Variants in PCDH9 observed in about 807,000 individuals in gnomAD.
PCDH9 encodes the protein protocadherin 9, also known as protocadherin-9.
In PCDH9, 24 loss-of-function variants were observed where a neutral mutation model predicts 70.6. That is an observed-to-expected ratio of 0.34 (90% CI 0.25 to 0.48). The LOEUF is 0.48. Among genes scored for constraint, PCDH9 ranks in the 20% least tolerant of loss-of-function variants. The probability of loss-of-function intolerance (pLI) is 0.99; values close to 1 mark genes in which losing one functional copy is unlikely to be tolerated. For synonymous variants in PCDH9, 562 were observed against 558.5 expected, an observed-to-expected ratio of 1.01 and a Z score of -0.09; for missense variants, 1,281 against 1,503.6, an observed-to-expected ratio of 0.85 and a Z score of 2.45.
At chr13:66,924,332 A>T (rs1002481022) in intron 2 of PCDH9, among the ~76,000 whole-genome samples, 2 of 151,832 alleles carry the variant, frequency 1.3e-5, no homozygotes, top group African/African-American at 4.8e-5. Context: ...ATTTTAAAAT[A>T]TTCCTATTTT....
intron 3 of PCDH9, among the ~76,000 whole-genome samples, chr13:66,779,885 G>GTT (rs2079969506): frequency 7.0e-6 from 1 of 143,192 alleles, no homozygotes; most frequent in African/African-American, 2.7e-5. Context: ...GTGTGTGTGT[G>GTT]TGTGTGTGTG....
chr13:67,057,804 C>T (rs2085452675), intron 2 of PCDH9, among the ~76,000 whole-genome samples: 1 of 151,998 alleles, frequency 6.6e-6, no homozygotes, highest in Non-Finnish European at 1.5e-5. Context: ...ATCAGAAAAA[C>T]TCAGGTCAAT....
At chr13:67,182,738 G>A (rs528260441) in intron 2 of PCDH9, among the ~76,000 whole-genome samples, 77 of 151,990 alleles carry the variant, frequency 5.1e-4, no homozygotes, top group Non-Finnish European at 9.3e-4. Context: ...GTAGAATAGC[G>A]TTTACTAATT....
intron 4 of PCDH9, among the ~76,000 whole-genome samples, chr13:66,371,424 T>C (rs1009038657): frequency 3.9e-5 from 6 of 152,034 alleles, no homozygotes; most frequent in African/African-American, 1.4e-4. Flanking sequence ...CTGTATACTC[T>C]GCCTGTATAG....
chr13:67,083,587 T>C (rs2086030818), intron 2 of PCDH9, among the ~76,000 whole-genome samples: 1 of 152,186 alleles, frequency 6.6e-6, no homozygotes, highest in South Asian at 2.1e-4. Flanking sequence ...TTAATTTTTC[T>C]ATGAAAGGTG....
intron 2 of PCDH9, among the ~76,000 whole-genome samples, chr13:66,934,577 A>G (rs2082876551): frequency 6.7e-6 from 1 of 150,224 alleles, no homozygotes; most frequent in African/African-American, 2.4e-5. Flanking sequence ...AAATACAAAA[A>G]CTCCTTGAAG....
intron 4 of PCDH9, among the ~76,000 whole-genome samples, chr13:66,309,248 C>T (rs995333875): frequency 6.6e-6 from 1 of 151,952 alleles, no homozygotes; most frequent in Admixed American, 6.6e-5. Flanking sequence ...GGGAAAATAA[C>T]AATGCTTCCA....
intron 2 of PCDH9, among the ~76,000 whole-genome samples, chr13:67,100,966 G>A (rs552618883): frequency 7.9e-5 from 12 of 152,270 alleles, no homozygotes; most frequent in Admixed American, 2.0e-4. Context: ...CTCACAAATG[G>A]AATGCCTGAT....
At chr13:66,450,868 A>G (rs1958193185) in intron 4 of PCDH9, among the ~76,000 whole-genome samples, 1 of 152,152 alleles carries the variant, frequency 6.6e-6, no homozygotes, top group Admixed American at 6.5e-5. Context: ...ATACAAAAAA[A>G]TTAGCCAGGC....
At chr13:67,003,410 A>G (rs1270003861) in intron 2 of PCDH9, among the ~76,000 whole-genome samples, 1 of 152,140 alleles carries the variant, frequency 6.6e-6, no homozygotes, top group Admixed American at 6.5e-5. Context: ...TCCTTATTCC[A>G]TAGTATGTTT....
intron 3 of PCDH9, among the ~76,000 whole-genome samples, chr13:66,827,786 G>T (rs751860488): frequency 2.0e-5 from 3 of 152,086 alleles, no homozygotes; most frequent in East Asian, 1.9e-4. Context: ...AATGTCAACC[G>T]ATGGGTAAGG....
chr13:66,825,529 G>T (rs1457653957), intron 3 of PCDH9, among the ~76,000 whole-genome samples: 1 of 150,928 alleles, frequency 6.6e-6, no homozygotes, highest in Non-Finnish European at 1.5e-5. Context: ...TAGAGACGGG[G>T]TTTCACCGTG....
rs1273548687 is a variant in PCDH9 at position 66,370,033 on chromosome 13, CA to C, written c.3341-65006del. 4.6e-5 allele frequency among the ~76,000 whole-genome samples: 7 copies of C among 152,106 alleles called. No homozygotes were observed. In the East Asian group the frequency reaches 1.4e-3, roughly 30 times the overall value. ...AAGCAACTATCATTGCTTTTTAAGT[CA>C]AATATCCACTGGTCCCAAGAAGGCC... On this transcript the variant is annotated intron_variant, in intron 4 of 4. Transcript: ENST00000377865.
chr13:66,767,242 G>C (rs1360929823), intron 3 of PCDH9, among the ~76,000 whole-genome samples: 2 of 151,006 alleles, frequency 1.3e-5, no homozygotes, highest in African/African-American at 2.5e-5. Flanking sequence ...TCACAAAAAA[G>C]AGCAAAGGGA....
intron 2 of PCDH9, among the ~76,000 whole-genome samples, chr13:67,103,368 T>C (rs1363952765): frequency 1.3e-5 from 2 of 152,192 alleles, no homozygotes; most frequent in African/African-American, 4.8e-5. Flanking sequence ...CTGAAAGGCT[T>C]TAAAATCTTC....
In PCDH9 at chr13:66,787,615, C is replaced by CA. The variant is rs35362106; in HGVS notation, c.3138+115888dup. On this transcript the variant is annotated intron_variant, in intron 3 of 4. Transcript: ENST00000377865. ...TGGGTGACAGAGCAATACTCTGTCT[C>CA]AAAAAAAAAGAAAAAAAGAAAAAGA... is the stretch of plus-strand genomic sequence containing the variant. 1.7e-3 allele frequency among the ~76,000 whole-genome samples: 249 copies of CA among 148,102 alleles called. 2 individuals are homozygous for CA. Among genetic ancestry groups the CA allele is most frequent in the Admixed American group, 0.012 (177 of 14,788 alleles).
chr13:66,349,182 C>A (rs1956257254), intron 4 of PCDH9, among the ~76,000 whole-genome samples: 1 of 152,106 alleles, frequency 6.6e-6, no homozygotes, highest in African/African-American at 2.4e-5. Context: ...TGGCAACCAG[C>A]AGGCAGTGTT....
chr13:66,818,279 G>A (rs947189499), intron 3 of PCDH9, among the ~76,000 whole-genome samples: 3 of 152,110 alleles, frequency 2.0e-5, no homozygotes, highest in African/African-American at 4.8e-5. Context: ...AAATAAGAAG[G>A]ACTAAAAATT....
At chr13:66,486,656 A>G (rs1323723428) in intron 4 of PCDH9, among the ~76,000 whole-genome samples, 3 of 143,694 alleles carry the variant, frequency 2.1e-5, no homozygotes, top group East Asian at 2.1e-4. Context: ...AAAAAAAAAA[A>G]GTATTTGAGT....
Sources: gnomAD v4.1 joint callset for allele counts (sites outside exome capture counted in the v4.1 genomes callset) on GRCh38, gnomAD v4.1.1 for gene constraint, MANE v1.5 for transcripts, NCBI Gene and HGNC (gene_info 2026-07-23, HGNC 2026-07-21) for gene names.